The following CAMTA1 variants were observed in gnomAD, a reference collection of about 807,000 sequenced individuals.
CAMTA1 encodes calmodulin binding transcription activator 1.
A neutral mutation model predicts 170.9 loss-of-function variants in CAMTA1; 27 were observed. That is an observed-to-expected ratio of 0.16 (90% confidence interval 0.12 to 0.22). The LOEUF (loss-of-function observed/expected upper bound fraction) is 0.22, where lower values mean the gene tolerates loss of function less well. CAMTA1 is among the 10% of genes least tolerant of loss of function. The probability of loss-of-function intolerance (pLI) is 1.00; values close to 1 mark genes in which losing one functional copy is unlikely to be tolerated. For missense variants in CAMTA1, 1,619 were observed against 2,217.2 expected (o/e 0.73, Z 5.42); for synonymous variants, 833 against 891.5 (o/e 0.93, Z 1.17).
At chr1:6,869,642 A>G (rs896960255) in intron 3 of CAMTA1, among the ~76,000 whole-genome samples, 9 of 152,200 alleles carry the variant, frequency 5.9e-5, no homozygotes, top group African/African-American at 1.9e-4. Context: ...TAGCAAACTC[A>G]TGTAGAAAAC....
intron 5 of CAMTA1, among the ~76,000 whole-genome samples, chr1:7,294,240 C>T (rs1173915193): frequency 6.6e-6 from 1 of 152,140 alleles, no homozygotes; most frequent in Non-Finnish European, 1.5e-5. Context: ...CAGGATGTGG[C>T]CCTTTCAGGG....
intron 5 of CAMTA1, among the ~76,000 whole-genome samples, chr1:7,351,091 C>T (rs928207250): frequency 1.3e-5 from 2 of 152,176 alleles, no homozygotes; most frequent in Admixed American, 6.5e-5. Flanking sequence ...ACCTCAGCGT[C>T]GTAGGAAACC....
At chr1:7,728,755 C>T (rs1253676420) in intron 11 of CAMTA1, among the ~76,000 whole-genome samples, 1 of 152,212 alleles carries the variant, frequency 6.6e-6, no homozygotes. Context: ...ACTTCTTAGG[C>T]TTCACATGGA....
chr1:7,511,500 G>T (rs932578233), intron 6 of CAMTA1, among the ~76,000 whole-genome samples: 1 of 152,188 alleles, frequency 6.6e-6, no homozygotes, highest in Admixed American at 6.5e-5. Flanking sequence ...GGATCCTGGG[G>T]TGCCCAGGTG....
At chr1:7,497,939 C>T (rs903422121) in intron 6 of CAMTA1, among the ~76,000 whole-genome samples, 1 of 152,154 alleles carries the variant, frequency 6.6e-6, no homozygotes, top group Non-Finnish European at 1.5e-5. Context: ...CGGGGCTGCT[C>T]GGAAGACAGG....
At chr1:7,000,467 G>A (rs1460818648) in intron 3 of CAMTA1, among the ~76,000 whole-genome samples, 2 of 152,184 alleles carry the variant, frequency 1.3e-5, no homozygotes, top group Non-Finnish European at 2.9e-5. Context: ...GAAGAGGCAG[G>A]ACAGGAGCGA....
chr1:6,834,925 T>G (rs1301986417), intron 3 of CAMTA1, among the ~76,000 whole-genome samples: 5 of 152,032 alleles, frequency 3.3e-5, no homozygotes, highest in African/African-American at 1.2e-4. Flanking sequence ...GGGTGGGAGC[T>G]CCCGCCCACA....
intron 3 of CAMTA1, among the ~76,000 whole-genome samples, chr1:6,994,857 A>T (rs535771558): frequency 6.6e-6 from 1 of 152,210 alleles, no homozygotes; most frequent in African/African-American, 2.4e-5. Flanking sequence ...CTGTAGAGAC[A>T]GAGTTTCGCC....
intron 5 of CAMTA1, among the ~76,000 whole-genome samples, chr1:7,257,626 T>G (rs1453334081): frequency 1.3e-5 from 2 of 152,232 alleles, no homozygotes; most frequent in East Asian, 3.8e-4. Flanking sequence ...TTGCCAGATT[T>G]AGTATGTACA....
intron 11 of CAMTA1, among the ~76,000 whole-genome samples, chr1:7,704,773 G>A (rs1298584362): frequency 6.8e-6 from 1 of 148,086 alleles, no homozygotes; most frequent in East Asian, 2.0e-4. Context: ...TGCGGCGAGT[G>A]GAGCTGAGCG....
Position 7,061,910 on chromosome 1 carries a change from C to T in CAMTA1, c.235-29394C>T, listed in dbSNP as rs573406339. On this transcript the variant is annotated intron_variant, in intron 3 of 22. Transcript: ENST00000303635. The stretch of plus-strand genomic sequence containing the variant: ...GCTTTAATTTGACGGTGTATGAGGT[C>T]CTATTATATTAAATTTTATTTTTTT... Among the ~76,000 whole-genome samples the T allele has an allele frequency of 1.7e-3, 256 of 152,022 alleles. 1 individual carries two copies. Among genetic ancestry groups the T allele is most frequent in the African/African-American group, 5.7e-3 (238 of 41,468 alleles).
In CAMTA1 at chr1:7,064,572, G is replaced by A. The variant is rs1007740670; in HGVS notation, c.235-26732G>A. On this transcript the variant is annotated intron_variant, in intron 3 of 22. Coordinates refer to ENST00000303635, the MANE Select transcript of CAMTA1 (RefSeq NM_015215.4). The surrounding 1 kb of genome is among the most constrained non-coding windows in gnomAD (Gnocchi z 5.4). ...AGTCCCTGAGGAGGCAGCAGTTTAA[G>A]CTGAGATGGGAAGGAAGAGAGGAAG... Among the ~76,000 whole-genome samples the A allele has an allele frequency of 3.9e-5, 6 of 152,170 alleles. No individual in the cohort carries two copies. Among genetic ancestry groups the A allele is most frequent in the Non-Finnish European group, 8.8e-5 (6 of 68,036 alleles).
At chr1:6,832,870 G>C (rs1002729013) in intron 3 of CAMTA1, among the ~76,000 whole-genome samples, 1 of 152,192 alleles carries the variant, frequency 6.6e-6, no homozygotes, top group East Asian at 1.9e-4. Context: ...ATAGTACGAA[G>C]TTTCAAATTA....
chr1:7,282,044 G>A (rs188054653), intron 5 of CAMTA1, among the ~76,000 whole-genome samples: 1 of 152,214 alleles, frequency 6.6e-6, no homozygotes, highest in Non-Finnish European at 1.5e-5. Flanking sequence ...AGCCTTAGCA[G>A]CTATTTAGTT....
At chr1:7,347,101 G>C (rs1335242083) in intron 5 of CAMTA1, among the ~76,000 whole-genome samples, 1 of 152,202 alleles carries the variant, frequency 6.6e-6, no homozygotes, top group Non-Finnish European at 1.5e-5. Flanking sequence ...AGCTATTTAT[G>C]GTCAGGAGAG....
In CAMTA1 at chr1:6,903,448, C is replaced by T. The variant is rs368325255; in HGVS notation, c.234+78238C>T. On this transcript the variant is annotated intron_variant, in intron 3 of 22. Transcript: ENST00000303635. ...CACTTTTACAGCTGTTTTATTGAAT[C>T]CTAAGTTTATTTAGAACCATTTATT... Among the ~76,000 whole-genome samples the T allele has an allele frequency of 2.0e-5, 3 of 152,154 alleles. No homozygotes were observed. In the East Asian group the frequency reaches 5.8e-4, roughly 29 times the overall value.
chr1:7,715,798 G>A (rs1474434767), intron 11 of CAMTA1, among the ~76,000 whole-genome samples: 1 of 152,188 alleles, frequency 6.6e-6, no homozygotes, highest in Non-Finnish European at 1.5e-5. Flanking sequence ...CGGCATGGGA[G>A]AGCAGTCCTT....
intron 3 of CAMTA1, among the ~76,000 whole-genome samples, chr1:7,031,519 T>C (rs1200819680): frequency 6.6e-6 from 1 of 152,218 alleles, no homozygotes; most frequent in Admixed American, 6.5e-5. Context: ...TTGGTCTTGC[T>C]GTTTAATGCA....
chr1:7,565,850 C>T lies in CAMTA1; in HGVS notation c.511-74550C>T, dbSNP rs898569805. ...TGGAGGGCCAAGATCAGGATGCTAG[C>T]GTGGTTGGGGGCTGGTGAGGACTCC... On this transcript the variant is annotated intron_variant, in intron 6 of 22. Coordinates refer to ENST00000303635, the MANE Select transcript of CAMTA1 (RefSeq NM_015215.4). This position sits in a 1 kb window ranked among gnomAD's most constrained non-coding sequence, Gnocchi z 4.5. Among the ~76,000 whole-genome samples the T allele has an allele frequency of 2.6e-5, 4 of 151,966 alleles. No homozygotes were observed. The highest frequency in any genetic ancestry group is 2.1e-4 in the South Asian group (1 of 4,812).
Sources: gnomAD v4.1 joint callset for allele counts (sites outside exome capture counted in the v4.1 genomes callset) on GRCh38, gnomAD v4.1.1 for gene constraint, Gnocchi (gnomAD v3.1) non-coding constraint, MANE v1.5 for transcripts, NCBI Gene and HGNC (gene_info 2026-07-23, HGNC 2026-07-21) for gene names.